Variants in RPGRIP1 observed in about 807,000 individuals in gnomAD.
RPGRIP1 encodes X-linked retinitis pigmentosa GTPase regulator-interacting protein 1.
Under a neutral mutation model 157.9 loss-of-function variants are expected in RPGRIP1, and 128 were observed. The ratio of observed to expected loss-of-function variants is 0.81; its 90% CI spans 0.70 to 0.94. The LOEUF (loss-of-function observed/expected upper bound fraction) is 0.94, where lower values mean the gene tolerates loss of function less well. Ranked by LOEUF, RPGRIP1 falls within the 40% of genes least tolerant of loss-of-function variation. RPGRIP1 has a pLI of 0.00. For synonymous variants in RPGRIP1, 554 were observed against 571.6 expected, an observed-to-expected ratio of 0.97 and a Z score of 0.44; for missense variants, 1,486 against 1,545.8, an observed-to-expected ratio of 0.96 and a Z score of 0.65.
chr14:21,281,520 C>T (rs948949265), intron 1 of RPGRIP1, among the ~76,000 whole-genome samples: 69 of 151,750 alleles, frequency 4.5e-4, no homozygotes, highest in African/African-American at 1.6e-3. Context: ...AAAACCCTGT[C>T]TCTACTAAGA....
In RPGRIP1 at chr14:21,323,112, G is replaced by A. The variant is rs555136774; in HGVS notation, c.1762+1108G>A. Among the ~76,000 whole-genome samples the A allele has an allele frequency of 2.0e-5, 3 of 152,246 alleles. No individual in the cohort carries two copies. The South Asian group carries it at 6.2e-4, about 32-fold the overall frequency. On this transcript the variant is annotated intron_variant, in intron 14 of 24. Coordinates refer to ENST00000400017, the MANE Select transcript of RPGRIP1 (RefSeq NM_020366.4). Reference sequence around the variant, plus strand: ...GCAAAATCAGTAAGTAGGTTTCTTAGTGAGCATGGAATAGAATAAAGGGAC... The same window carrying A: ...GCAAAATCAGTAAGTAGGTTTCTTAATGAGCATGGAATAGAATAAAGGGAC...
intron 24 of RPGRIP1, among the ~76,000 whole-genome samples, chr14:21,350,018 T>C (rs540882566): frequency 2.6e-5 from 4 of 152,000 alleles, no homozygotes; most frequent in African/African-American, 2.4e-5. Context: ...TTAGTGGATG[T>C]GAAACTGAAT....
intron 1 of RPGRIP1, among the ~76,000 whole-genome samples, chr14:21,281,122 A>G (rs1880108798): frequency 6.6e-6 from 1 of 151,702 alleles, no homozygotes; most frequent in African/African-American, 2.4e-5. Context: ...GGTTCAAACA[A>G]TTCTCCTGCC....
At chr14:21,288,599 A>C (rs1033659287) in intron 2 of RPGRIP1, among the ~76,000 whole-genome samples, 1 of 150,162 alleles carries the variant, frequency 6.7e-6, no homozygotes, top group Non-Finnish European at 1.5e-5. Context: ...ACTGCAACCT[A>C]TGCCTCCCGG....
intron 1 of RPGRIP1, among the ~76,000 whole-genome samples, chr14:21,281,407 GC>G (rs147517740): frequency 0.024 from 3,684 of 151,968 alleles, 144 homozygotes; most frequent in African/African-American, 0.083. Flanking sequence ...TCTACTCTTG[GC>G]CCAGGCGTGT....
rs1291812730 is a variant in RPGRIP1, at chr14:21,325,940, AC to A, written c.2479del (p.Arg827AlafsTer31). On this transcript the variant is annotated frameshift_variant, in exon 17 of 25. Transcript: ENST00000400017. LOFTEE classifies it high-confidence loss of function. ...LGTQPSPYAVYRFFTFSDHDT... is the reference protein window; with the variant it reads ...LGTQPSPYAVXRFFTFSDHDT... ...ACTCAACCCAGTCCATATGCTGTGTACCGCTTCTTCACCTTTTCTGACCATG... is the reference window on the plus strand; with the variant it reads ...ACTCAACCCAGTCCATATGCTGTGTACGCTTCTTCACCTTTTCTGACCATG... 1 of 1,613,826 alleles carries A rather than the reference AC, an allele frequency of 6.2e-7. No individual in the cohort carries two copies. Among genetic ancestry groups the A allele is most frequent in the African/African-American group, 1.3e-5 (1 of 74,926 alleles).
At position 21,294,692 on chromosome 14, in the gene RPGRIP1, C is replaced by T. The variant is rs753553043; in HGVS notation, c.101C>T (p.Thr34Ile). 1.9e-6 allele frequency: 3 copies of T among 1,613,418 alleles called. No individual in the cohort carries two copies. The highest frequency in any genetic ancestry group is 2.5e-6 in the Non-Finnish European group (3 of 1,179,684). Residue 34 changes from threonine to isoleucine, a missense_variant, in exon 3 of 25, where the codon ACT (threonine) becomes ATT (isoleucine). Coordinates refer to ENST00000400017, the MANE Select transcript of RPGRIP1 (RefSeq NM_020366.4). ...LPASKGKNMK[T>I]QPPLSRMNRE... The stretch of plus-strand genomic sequence containing the variant: ...GGGACTTTAGGTAAGAATATGAAAA[C>T]TCAACCACCCTTGAGCAGGATGAAC...
chr14:21,295,988 T>C (rs1167914509), intron 3 of RPGRIP1, among the ~76,000 whole-genome samples: 2 of 151,714 alleles, frequency 1.3e-5, no homozygotes, highest in Non-Finnish European at 2.9e-5. Flanking sequence ...CAAGCTGGAG[T>C]GCAGTGGCGC....
chr14:21,293,594 T>C (rs1880626715), intron 2 of RPGRIP1, among the ~76,000 whole-genome samples: 1 of 150,116 alleles, frequency 6.7e-6, no homozygotes, highest in Admixed American at 6.6e-5. Flanking sequence ...AATACAAAAA[T>C]TAAGCTGGGC....
intron 6 of RPGRIP1, among the ~76,000 whole-genome samples, chr14:21,305,621 G>GAGGCCA (rs910446274): frequency 3.3e-5 from 5 of 152,212 alleles, no homozygotes; most frequent in Admixed American, 6.6e-5. Context: ...AGTACTTTGG[G>GAGGCCA]AGGCCAAGGT....
chr14:21,344,626 C>G (rs1414313427), intron 22 of RPGRIP1, among the ~76,000 whole-genome samples: 4 of 152,060 alleles, frequency 2.6e-5, no homozygotes, highest in African/African-American at 9.7e-5. Flanking sequence ...ATATTTGATT[C>G]AAGTGTGGAA....
chr14:21,306,149 T>TTTTA (rs1881294612), intron 6 of RPGRIP1, among the ~76,000 whole-genome samples: 1 of 97,488 alleles, frequency 1.0e-5, no homozygotes, highest in Non-Finnish European at 2.0e-5. Flanking sequence ...TTTTTTTTTT[T>TTTTA]GAGACAGAGT....
At chr14:21,291,498 G>GAAA (rs1880527160) in intron 2 of RPGRIP1, among the ~76,000 whole-genome samples, 1 of 151,680 alleles carries the variant, frequency 6.6e-6, no homozygotes, top group African/African-American at 2.4e-5. Flanking sequence ...TTTATTTTAT[G>GAAA]AAAAAATAAG....
rs533822250 is a variant in RPGRIP1 at position 21,311,357 on chromosome 14, G to A, written c.931-467G>A. 3.9e-5 allele frequency among the ~76,000 whole-genome samples: 6 copies of A among 152,280 alleles called. No homozygotes were observed. The East Asian group carries it at 1.2e-3, about 29-fold the overall frequency. On this transcript the variant is annotated intron_variant, in intron 8 of 24. Transcript: ENST00000400017. The stretch of plus-strand genomic sequence containing the variant: ...ACCTAAGGTCAGGAGTTCGAGACCA[G>A]CCTGGCCAACATGGAGAAACCCTGT...
At chr14:21,296,952 A>G (rs902184064) in intron 3 of RPGRIP1, among the ~76,000 whole-genome samples, 1 of 123,520 alleles carries the variant, frequency 8.1e-6, no homozygotes, top group African/African-American at 4.0e-5. Context: ...GACTCCATCT[A>G]AAAAAAAAAA....
chr14:21,343,681 G>A lies in RPGRIP1; in HGVS notation c.3532+453G>A, dbSNP rs181683571. Among the ~76,000 whole-genome samples, 278 of 151,622 alleles carry A rather than the reference G, an allele frequency of 1.8e-3. 3 individuals carry two copies. The highest frequency in any genetic ancestry group is 8.7e-4 in the Non-Finnish European group (59 of 67,900). On this transcript the variant is annotated intron_variant, in intron 22 of 24. Coordinates refer to ENST00000400017, the MANE Select transcript of RPGRIP1 (RefSeq NM_020366.4). The stretch of plus-strand genomic sequence containing the variant: ...AGTTTTTTGTGTTTTTAGTAGAGGC[G>A]GGGTTTCACCATTTTGGCCAGGCTG...
chr14:21,310,537 C>G, intron 7 of RPGRIP1, 47 bp from the exon 8 acceptor site: 1 of 997,146 alleles, frequency 1.0e-6, no homozygotes, highest in Non-Finnish European at 1.5e-6. Flanking sequence ...ATAAATATAT[C>G]ATGAAATTGA....
intron 22 of RPGRIP1, among the ~76,000 whole-genome samples, chr14:21,344,106 A>C (rs1885318983): frequency 6.6e-6 from 1 of 151,478 alleles, no homozygotes; most frequent in Admixed American, 6.6e-5. Context: ...GCTCTTTTGC[A>C]CTACACTCAT....
chr14:21,334,573 C>G, intron 20 of RPGRIP1, 32 bp from the exon 21 acceptor site: 1 of 1,484,494 alleles, frequency 6.7e-7, no homozygotes, highest in Non-Finnish European at 9.3e-7. Flanking sequence ...TGCTTTGAAA[C>G]AGTTCTATAA....
Sources: gnomAD v4.1 joint callset for allele counts (sites outside exome capture counted in the v4.1 genomes callset) on GRCh38, gnomAD v4.1.1 for gene constraint, MANE v1.5 for transcripts, NCBI Gene and HGNC (gene_info 2026-07-23, HGNC 2026-07-21) for gene names.